Variants in LMBRD2 observed in about 807,000 individuals in gnomAD.
LMBRD2 encodes the protein G protein-coupled receptor-associated protein LMBRD2.
In LMBRD2, 55 loss-of-function variants were observed where a neutral mutation model predicts 94.4. That is an observed-to-expected ratio of 0.58 (90% CI 0.47 to 0.73). The LOEUF is 0.73. Among genes scored for constraint, LMBRD2 ranks in the 30% least tolerant of loss-of-function variants. The probability of loss-of-function intolerance (pLI) is 0.00; values close to 1 mark genes in which losing one functional copy is unlikely to be tolerated. For synonymous variants in LMBRD2, 246 were observed against 272.4 expected (o/e 0.90, Z 0.95); for missense variants, 640 against 831.9 (o/e 0.77, Z 2.84).
chr5:36,137,572 T>C, intron 4 of LMBRD2, 131 bp from the exon 5 acceptor site: 1 of 520,898 alleles, frequency 1.9e-6, no homozygotes, highest in East Asian at 2.9e-5. Context: ...TTATAAGTAA[T>C]CATGAATACT....
chr5:36,150,519 A>C (rs1192106132), intron 1 of LMBRD2, among the ~76,000 whole-genome samples: 1 of 152,196 alleles, frequency 6.6e-6, no homozygotes, highest in African/African-American at 2.4e-5. Context: ...TTTGTGTCAA[A>C]AATATTTTCT....
chr5:36,115,328 T>C (rs16902747), intron 11 of LMBRD2, among the ~76,000 whole-genome samples: 7,656 of 152,272 alleles, frequency 0.05, 678 homozygotes, highest in African/African-American at 0.18. Flanking sequence ...CCTACGTGAC[T>C]ACAGCCTCAA....
intron 12 of LMBRD2, 111 bp downstream of exon 12, chr5:36,114,904 T>C: frequency 1.4e-6 from 1 of 718,360 alleles, no homozygotes; most frequent in Non-Finnish European, 2.3e-6. Flanking sequence ...AAGAGAAAAT[T>C]TTACCAATAA....
chr5:36,143,834 CA>C (rs1744474835), intron 1 of LMBRD2, among the ~76,000 whole-genome samples: 1 of 151,794 alleles, frequency 6.6e-6, no homozygotes. Flanking sequence ...TAAGATTATT[CA>C]TCCTCTATAA....
intron 1 of LMBRD2, among the ~76,000 whole-genome samples, chr5:36,146,571 C>T (rs1397246928): frequency 2.6e-5 from 4 of 152,102 alleles, no homozygotes; most frequent in African/African-American, 9.7e-5. Context: ...GAGACAGGGT[C>T]TTGCTATGTT....
intron 14 of LMBRD2, among the ~76,000 whole-genome samples, chr5:36,110,485 G>A (rs1357623712): frequency 1.3e-5 from 2 of 151,972 alleles, no homozygotes; most frequent in African/African-American, 4.8e-5. Context: ...AGGACTGGAT[G>A]TGCTATGCCA....
intron 3 of LMBRD2, among the ~76,000 whole-genome samples, chr5:36,141,799 A>G (rs1267418225): frequency 2.0e-5 from 3 of 152,208 alleles, no homozygotes; most frequent in Non-Finnish European, 2.9e-5. Flanking sequence ...CTAGAAGGAT[A>G]TCCCAAGAAC....
chr5:36,128,303 G>A (rs1016227671), intron 6 of LMBRD2, among the ~76,000 whole-genome samples: 1 of 152,152 alleles, frequency 6.6e-6, no homozygotes, highest in African/African-American at 2.4e-5. Context: ...CAAGAAGGAT[G>A]GCTACAAATA....
intron 15 of LMBRD2, among the ~76,000 whole-genome samples, chr5:36,109,590 A>G (rs1403758438): frequency 6.6e-6 from 1 of 152,084 alleles, no homozygotes; most frequent in African/African-American, 2.4e-5. Context: ...TTAATGTCAC[A>G]GCACCAAAAA....
chr5:36,116,439 T>C (rs768694795), intron 11 of LMBRD2, 21 bp downstream of exon 11: 1 of 1,607,762 alleles, frequency 6.2e-7, no homozygotes, highest in Admixed American at 1.7e-5. Flanking sequence ...TTCTCTTGTT[T>C]CTAAACATAA....
intron 1 of LMBRD2, among the ~76,000 whole-genome samples, chr5:36,145,809 A>C (rs1018860247): frequency 4.6e-5 from 7 of 152,250 alleles, no homozygotes; most frequent in Admixed American, 2.6e-4. Flanking sequence ...AAATGATGAA[A>C]TATTATTGTA....
chr5:36,100,212 ATCTT>A lies in LMBRD2; in HGVS notation c.*3830_*3833del, dbSNP rs1427075951. ...AAAGATGTCTCAAGAATCTAAATAAATCTTAAATTTTGGGGGGGAAATCTATTTT... is the reference window on the plus strand; with the variant it reads ...AAAGATGTCTCAAGAATCTAAATAAAAAATTTTGGGGGGGAAATCTATTTT... On this transcript the variant is annotated 3_prime_UTR_variant, in exon 18 of 18. Transcript: ENST00000296603. 6.6e-6 allele frequency: 1 copy of A among 152,142 alleles called. No homozygotes were observed. The highest frequency in any genetic ancestry group is 2.4e-5 in the African/African-American group (1 of 41,438). The allele number at this position is 152,142 out of a possible 1,614,324, so 9.4% of individuals were successfully genotyped here.
chr5:36,126,211 A>G (rs1744003701), intron 6 of LMBRD2, among the ~76,000 whole-genome samples: 1 of 151,544 alleles, frequency 6.6e-6, no homozygotes, highest in Non-Finnish European at 1.5e-5. Context: ...AAGTTTCTTG[A>G]CTTGTTAGCA....
chr5:36,122,865 C>T lies in LMBRD2; in HGVS notation c.919G>A (p.Val307Ile). 12 of 1,594,542 alleles carry T rather than the reference C, an allele frequency of 7.5e-6. No individual in the cohort carries two copies. The highest frequency in any genetic ancestry group is 1.0e-5 in the Non-Finnish European group (12 of 1,174,202). The stretch of plus-strand genomic sequence containing the variant: ...AAAGTTACCTGTTTATGCAGTTTTA[C>T]CAGACTTTTTTCACTTGGATAGATA... ...HSIYPSEKSLVKLHKQVIYSV... is the reference protein window; with the variant it reads ...HSIYPSEKSLIKLHKQVIYSV... The change falls in exon 8 of 18, where the codon GTA becomes ATA. Residue 307 changes from valine (V) to isoleucine (I), a missense_variant. Val to Ile is a conservative substitution (Grantham distance 29, BLOSUM62 3). This residue lies in a region of LMBRD2 where 457 missense variants were observed against 642.8 expected (regional missense o/e 0.71). Transcript: ENST00000296603.
intron 5 of LMBRD2, among the ~76,000 whole-genome samples, chr5:36,136,747 C>T (rs1185392587): frequency 6.6e-6 from 1 of 152,092 alleles, no homozygotes; most frequent in African/African-American, 2.4e-5. Context: ...TTCAAATTAA[C>T]CTGTGTTGCT....
chr5:36,110,980 T>G (rs1358266151), intron 14 of LMBRD2, among the ~76,000 whole-genome samples, 175 bp downstream of exon 14: 3 of 152,122 alleles, frequency 2.0e-5, no homozygotes. Flanking sequence ...ATTCATGTTT[T>G]CAAATTATTT....
At chr5:36,143,536 GAC>G (rs1196194617) in intron 1 of LMBRD2, 130 bp from the exon 2 acceptor site, 4 of 418,882 alleles carry the variant, frequency 9.5e-6, no homozygotes, top group Non-Finnish European at 1.7e-5. Context: ...CTTCACATTG[GAC>G]TATGAATAAG....
At chr5:36,131,460 A>T (rs1393080726) in intron 6 of LMBRD2, among the ~76,000 whole-genome samples, 1 of 152,144 alleles carries the variant, frequency 6.6e-6, no homozygotes, top group Non-Finnish European at 1.5e-5. Flanking sequence ...ACTGTTATTC[A>T]ATATAGTACT....
At chr5:36,104,456 A>G (rs1743417298) in intron 17 of LMBRD2, among the ~76,000 whole-genome samples, 1 of 152,016 alleles carries the variant, frequency 6.6e-6, no homozygotes, top group Non-Finnish European at 1.5e-5. Flanking sequence ...AGGCAATACT[A>G]TAGTAAACAT....
Sources: allele counts gnomAD v4.1 joint callset (sites outside exome capture counted in the v4.1 genomes callset), GRCh38; gene constraint gnomAD v4.1.1; regional missense constraint gnomAD v4.1.1; transcripts MANE v1.5; gene names NCBI Gene and HGNC (gene_info 2026-07-23, HGNC 2026-07-21).